DGKB: variants seen among roughly 807,000 people sequenced by gnomAD.
DGKB encodes the protein diacylglycerol kinase beta, also known as 90 kDa diacylglycerol kinase.
DGKB carries 67 observed loss-of-function variants against 114.3 expected under a neutral mutation model. That is an observed-to-expected ratio of 0.59 (90% confidence interval 0.48 to 0.72). The LOEUF is 0.72. Ranked by LOEUF, DGKB falls within the 30% of genes least tolerant of loss-of-function variation. The pLI is 0.00. For missense variants in DGKB, 907 were observed against 975.2 expected (o/e 0.93, Z 0.93); for synonymous variants, 398 against 323.1 (o/e 1.23, Z -2.49).
intron 23 of DGKB, among the ~76,000 whole-genome samples, chr7:14,255,788 T>C (rs1233586540): frequency 6.6e-6 from 1 of 152,108 alleles, no homozygotes; most frequent in East Asian, 1.9e-4. Flanking sequence ...TTAGTATGGT[T>C]ATTTGCACTT....
At chr7:14,914,349 T>C (rs928670202) in intron 1 of DGKB, among the ~76,000 whole-genome samples, 4 of 152,056 alleles carry the variant, frequency 2.6e-5, no homozygotes, top group Admixed American at 1.3e-4. Flanking sequence ...CACGCCCAAA[T>C]ACTTAGAACT....
intron 13 of DGKB, among the ~76,000 whole-genome samples, chr7:14,654,463 C>T (rs1372518635): frequency 6.6e-6 from 1 of 151,830 alleles, no homozygotes; most frequent in African/African-American, 2.4e-5. Flanking sequence ...CCATACAACC[C>T]AAAGCAATTT....
At chr7:14,709,093 T>G (rs2128328569) in intron 6 of DGKB, among the ~76,000 whole-genome samples, 1 of 147,578 alleles carries the variant, frequency 6.8e-6, no homozygotes, top group South Asian at 2.2e-4. Context: ...ATCCAGAATC[T>G]ACAATGAACT....
At chr7:14,914,116 A>C (rs574321023) in intron 1 of DGKB, among the ~76,000 whole-genome samples, 1 of 152,292 alleles carries the variant, frequency 6.6e-6, no homozygotes, top group East Asian at 1.9e-4. Context: ...TTTTGAAATA[A>C]GTCCATAGTA....
At chr7:14,952,969 G>A (rs1420871024) in intron 1 of DGKB, among the ~76,000 whole-genome samples, 2 of 151,968 alleles carry the variant, frequency 1.3e-5, no homozygotes, top group Non-Finnish European at 2.9e-5. Context: ...GGGAAATACG[G>A]TCATTTCAAC....
At chr7:14,794,424 T>C (rs1242084557) in intron 2 of DGKB, among the ~76,000 whole-genome samples, 1 of 152,194 alleles carries the variant, frequency 6.6e-6, no homozygotes. Context: ...GATACCTCTG[T>C]ATAAAATACT....
At chr7:14,734,009 C>G (rs1831319522) in intron 5 of DGKB, among the ~76,000 whole-genome samples, 2 of 142,884 alleles carry the variant, frequency 1.4e-5, no homozygotes, top group South Asian at 4.3e-4. Flanking sequence ...GAACTTATCT[C>G]TATACCAACA....
intron 21 of DGKB, among the ~76,000 whole-genome samples, chr7:14,456,941 T>C (rs1167765953): frequency 6.6e-6 from 1 of 152,090 alleles, no homozygotes; most frequent in African/African-American, 2.4e-5. Context: ...AGAAAAGAGA[T>C]AGGACCCCTC....
chr7:14,470,132 T>C (rs138285303), intron 21 of DGKB, among the ~76,000 whole-genome samples: 1 of 152,024 alleles, frequency 6.6e-6, no homozygotes, highest in African/African-American at 2.4e-5. Context: ...CAATTCATTC[T>C]AGTACACAGA....
chr7:14,594,727 A>T (rs1205164220), intron 17 of DGKB, among the ~76,000 whole-genome samples: 1 of 152,134 alleles, frequency 6.6e-6, no homozygotes, highest in Non-Finnish European at 1.5e-5. Context: ...TTCTGTACAC[A>T]TCAGATCATT....
rs528895940 is a variant in DGKB at position 14,839,185 on chromosome 7, G to A, written c.70+2009C>T. 6.6e-5 allele frequency among the ~76,000 whole-genome samples: 10 copies of A among 151,946 alleles called. No homozygotes were observed. The East Asian group carries it at 1.2e-3, about 18-fold the overall frequency. On this transcript the variant is annotated intron_variant, in intron 2 of 25. Coordinates refer to ENST00000402815, the MANE Select transcript of DGKB (RefSeq NM_001350709.2). ...GGAGGACACATATCTCTTCATATTT[G>A]CATCTCCTGCAGCACCAAGCAGAAA...
chr7:14,516,283 CAA>C (rs1380460853), intron 20 of DGKB, among the ~76,000 whole-genome samples: 2 of 152,134 alleles, frequency 1.3e-5, no homozygotes, highest in East Asian at 1.9e-4. Context: ...CATATTTAAA[CAA>C]AGTCATTGAA....
chr7:14,537,431 G>C (rs1266967182), intron 20 of DGKB, among the ~76,000 whole-genome samples: 3 of 152,098 alleles, frequency 2.0e-5, no homozygotes, highest in South Asian at 2.1e-4. Flanking sequence ...CTGACATAAA[G>C]ACAGATCTAT....
intron 23 of DGKB, among the ~76,000 whole-genome samples, chr7:14,301,123 T>C (rs1027882100): frequency 6.6e-6 from 1 of 152,174 alleles, no homozygotes; most frequent in African/African-American, 2.4e-5. Flanking sequence ...CTGAAGTTTA[T>C]CTGTTTGCAG....
At chr7:14,219,163 T>G (rs1368988288) in intron 23 of DGKB, among the ~76,000 whole-genome samples, 1 of 151,868 alleles carries the variant, frequency 6.6e-6, no homozygotes, top group African/African-American at 2.4e-5. Context: ...TCTTTATCCA[T>G]TCATCCCCTG....
intron 13 of DGKB, among the ~76,000 whole-genome samples, chr7:14,655,738 C>T (rs963631104): frequency 7.3e-5 from 11 of 151,384 alleles, no homozygotes; most frequent in Admixed American, 4.0e-4. Context: ...TTTTTTGCAA[C>T]ATGGATGAAC....
At chr7:14,512,332 T>A (rs1247118241) in intron 20 of DGKB, among the ~76,000 whole-genome samples, 1 of 152,226 alleles carries the variant, frequency 6.6e-6, no homozygotes, top group East Asian at 1.9e-4. Flanking sequence ...TTGGGTTTCA[T>A]TTGATTACCA....
At chr7:14,642,746 T>A (rs942137276) in intron 13 of DGKB, among the ~76,000 whole-genome samples, 1 of 152,226 alleles carries the variant, frequency 6.6e-6, no homozygotes, top group East Asian at 1.9e-4. Context: ...ACAAACTTAC[T>A]ACATTTTATT....
At chr7:14,156,197 G>A (rs971404599) in intron 25 of DGKB, among the ~76,000 whole-genome samples, 2 of 152,084 alleles carry the variant, frequency 1.3e-5, no homozygotes, top group East Asian at 3.9e-4. Flanking sequence ...ATGAAATAAG[G>A]TGAGGCATGC....
Sources: gnomAD v4.1 joint callset for allele counts (sites outside exome capture counted in the v4.1 genomes callset) on GRCh38, gnomAD v4.1.1 for gene constraint, MANE v1.5 for transcripts, NCBI Gene and HGNC (gene_info 2026-07-23, HGNC 2026-07-21) for gene names.